The following TRPM3 variants were observed in gnomAD, a reference collection of about 807,000 sequenced individuals.
TRPM3 encodes the protein long transient receptor potential channel 3.
TRPM3 carries 77 observed loss-of-function variants against 181.2 expected under a neutral mutation model. The observed-to-expected ratio is 0.42, with a 90% CI of 0.35 to 0.51. The LOEUF is 0.51. Among genes scored for constraint, TRPM3 ranks in the 20% least tolerant of loss-of-function variants. TRPM3 has a pLI of 0.01. For missense variants in TRPM3, 1,759 were observed against 2,196.7 expected, an observed-to-expected ratio of 0.80 and a Z score of 3.98; for synonymous variants, 745 against 796.4, an observed-to-expected ratio of 0.94 and a Z score of 1.09.
chr9:71,419,504 T>C (rs535916130), intron 1 of TRPM3, among the ~76,000 whole-genome samples: 1 of 152,154 alleles, frequency 6.6e-6, no homozygotes, highest in African/African-American at 2.4e-5. Flanking sequence ...CAGTCAGGTA[T>C]CTAGTCAATT....
intron 1 of TRPM3, among the ~76,000 whole-genome samples, chr9:71,436,452 A>G (rs2094040453): frequency 6.7e-6 from 1 of 148,730 alleles, no homozygotes; most frequent in Admixed American, 6.8e-5. Flanking sequence ...ACAGGCACGC[A>G]CCACCATGCC....
intron 1 of TRPM3, among the ~76,000 whole-genome samples, chr9:71,046,231 A>T (rs2430869): frequency 4.0e-5 from 6 of 151,820 alleles, no homozygotes; most frequent in East Asian, 1.9e-4. Context: ...GTGATCCACC[A>T]GACTCGGCCT....
At chr9:71,044,370 C>T (rs1438997953) in intron 1 of TRPM3, among the ~76,000 whole-genome samples, 4 of 152,192 alleles carry the variant, frequency 2.6e-5, no homozygotes, top group Non-Finnish European at 4.4e-5. Context: ...TCAGGCTCAT[C>T]TTTGGTTTTC....
intron 1 of TRPM3, among the ~76,000 whole-genome samples, chr9:70,922,366 T>C (rs2096666375): frequency 6.6e-6 from 1 of 152,206 alleles, no homozygotes; most frequent in Non-Finnish European, 1.5e-5. Context: ...CCATCAAATA[T>C]GCCAGGCCTC....
At chr9:71,091,059 C>A (rs2066126283) in intron 1 of TRPM3, among the ~76,000 whole-genome samples, 1 of 152,026 alleles carries the variant, frequency 6.6e-6, no homozygotes, top group Non-Finnish European at 1.5e-5. Context: ...TTAAATTGTA[C>A]TTAATGTTGC....
intron 1 of TRPM3, among the ~76,000 whole-genome samples, chr9:71,001,544 G>C (rs1422387959): frequency 1.3e-5 from 2 of 152,092 alleles, no homozygotes; most frequent in African/African-American, 4.8e-5. Context: ...TGCAGGCCTT[G>C]GTACCACACA....
chr9:70,634,874 C>T (rs1298832178), intron 12 of TRPM3, among the ~76,000 whole-genome samples: 1 of 152,120 alleles, frequency 6.6e-6, no homozygotes, highest in Non-Finnish European at 1.5e-5. Flanking sequence ...GTCAGTCAGG[C>T]AGCTCCCCAA....
At chr9:70,552,100 C>T (rs915196225) in intron 24 of TRPM3, among the ~76,000 whole-genome samples, 2 of 152,272 alleles carry the variant, frequency 1.3e-5, no homozygotes, top group South Asian at 4.1e-4. Flanking sequence ...GCCTGTTTGA[C>T]ACACTTTGAG....
At chr9:70,927,407 A>G (rs2096731371) in intron 1 of TRPM3, among the ~76,000 whole-genome samples, 5 of 152,196 alleles carry the variant, frequency 3.3e-5, no homozygotes, top group Admixed American at 6.5e-5. Flanking sequence ...TATGGGTAAA[A>G]TTTCAGGAAA....
chr9:70,594,819 G>A (rs1171121478), intron 21 of TRPM3, among the ~76,000 whole-genome samples: 1 of 152,166 alleles, frequency 6.6e-6, no homozygotes, highest in Admixed American at 6.5e-5. Context: ...ACTCCCTAAT[G>A]TTGAGAGGCT....
rs1257719666 is a variant in TRPM3, at chr9:71,332,347, T to G, written c.183+114306A>C. 3.3e-5 allele frequency among the ~76,000 whole-genome samples: 5 copies of G among 150,550 alleles called. No individual in the cohort carries two copies. In the East Asian group the frequency reaches 9.7e-4, roughly 29 times the overall value. Reference sequence around the variant, plus strand: ...AGTCTGTCTAACTGCCCCCAAAAACTTAGTCTAGGTCAGTGGTTTTCAATG... The same window carrying G: ...AGTCTGTCTAACTGCCCCCAAAAACGTAGTCTAGGTCAGTGGTTTTCAATG... On this transcript the variant is annotated intron_variant, in intron 1 of 24. Coordinates refer to the TRPM3 transcript ENST00000357533.
At chr9:70,915,133 T>A (rs1027341221) in intron 1 of TRPM3, among the ~76,000 whole-genome samples, 1 of 152,154 alleles carries the variant, frequency 6.6e-6, no homozygotes, top group Non-Finnish European at 1.5e-5. Flanking sequence ...AACAGAGATA[T>A]GTGACCTTAC....
chr9:71,053,251 C>A (rs1163918124), intron 1 of TRPM3, among the ~76,000 whole-genome samples: 2 of 151,854 alleles, frequency 1.3e-5, no homozygotes, highest in Non-Finnish European at 2.9e-5. Flanking sequence ...CTGGTGTAGA[C>A]GATGACGCCA....
rs1253638406 is a variant in TRPM3 at position 70,864,439 on chromosome 9, G to A, written c.250C>T (p.Pro84Ser). 1.4e-6 allele frequency: 2 copies of A among 1,480,352 alleles called. No individual in the cohort carries two copies. Among genetic ancestry groups the A allele is most frequent in the African/African-American group, 1.5e-5 (1 of 67,212 alleles). 91.7% of individuals were successfully genotyped at this position (1,480,352 alleles called of 1,614,324 possible). ...TATAGACAGCAAGATTACCTATGGG[G>A]GTCTTTGGTGCTGGGTATGATGTGG... Reference protein sequence around the residue: ...CVHIIPSTKDPHRCCCGRLIG... With the variant: ...CVHIIPSTKDSHRCCCGRLIG... Residue 84 changes from proline to serine, a missense_variant, in exon 2 of 26, where the codon CCC (proline) becomes TCC (serine). Around this residue, in one of 8 missense-constraint regions of TRPM3, gnomAD observed 737 missense variants for 957.4 expected, o/e 0.77. Coordinates refer to ENST00000677713, the MANE Select transcript of TRPM3 (RefSeq NM_001366145.2).
intron 6 of TRPM3, among the ~76,000 whole-genome samples, chr9:70,802,271 G>T (rs765061129): frequency 2.0e-5 from 3 of 152,186 alleles, no homozygotes; most frequent in Admixed American, 6.5e-5. Flanking sequence ...CTATTTTAAA[G>T]TCTAAACCAG....
chr9:70,600,300 C>T (rs1191756662), intron 20 of TRPM3, among the ~76,000 whole-genome samples: 1 of 151,966 alleles, frequency 6.6e-6, no homozygotes, highest in African/African-American at 2.4e-5. Flanking sequence ...ACCTCAGAAC[C>T]TCTCAAAGGA....
intron 1 of TRPM3, among the ~76,000 whole-genome samples, chr9:71,142,786 T>C (rs1046787518): frequency 5.6e-5 from 7 of 124,542 alleles, no homozygotes; most frequent in African/African-American, 2.3e-4. Context: ...ATTCTGTTAC[T>C]GTACTGTAAA....
intron 1 of TRPM3, among the ~76,000 whole-genome samples, chr9:70,945,627 G>C (rs548090445): frequency 2.0e-5 from 3 of 152,224 alleles, no homozygotes; most frequent in African/African-American, 7.2e-5. Context: ...TTTCCAACAT[G>C]AGATTCCCTT....
chr9:71,168,535 GATTT>G (rs1157301406), intron 1 of TRPM3, among the ~76,000 whole-genome samples: 9,580 of 67,714 alleles, frequency 0.14, 699 homozygotes, highest in East Asian at 0.26. Flanking sequence ...TTTAAGGTGT[GATTT>G]ATTTATTTAT....
Sources: gnomAD v4.1 joint callset for allele counts (sites outside exome capture counted in the v4.1 genomes callset) on GRCh38, gnomAD v4.1.1 for gene constraint, gnomAD v4.1.1 regional missense constraint, MANE v1.5 for transcripts, NCBI Gene and HGNC (gene_info 2026-07-23, HGNC 2026-07-21) for gene names.